Variants in FSTL4 observed in about 807,000 individuals in gnomAD.
FSTL4 encodes the protein follistatin like 4.
A neutral mutation model predicts 78.2 loss-of-function variants in FSTL4; 28 were observed. The ratio of observed to expected loss-of-function variants is 0.36; its 90% CI spans 0.27 to 0.49. The LOEUF is 0.49. Ranked by LOEUF, FSTL4 falls within the 20% of genes least tolerant of loss-of-function variation. The pLI, the probability that FSTL4 is intolerant of heterozygous loss-of-function variation, is 0.98. For synonymous variants in FSTL4, 422 were observed against 440.5 expected (o/e 0.96, Z 0.53); for missense variants, 922 against 1,084.9 (o/e 0.85, Z 2.11).
intron 4 of FSTL4, among the ~76,000 whole-genome samples, chr5:133,363,394 C>T (rs1755111993): frequency 6.6e-6 from 1 of 151,988 alleles, no homozygotes; most frequent in East Asian, 1.9e-4. Context: ...CCTTGTTTTC[C>T]CCCAGCAACT....
At chr5:133,318,015 C>A (rs1753950882) in intron 4 of FSTL4, among the ~76,000 whole-genome samples, 1 of 152,196 alleles carries the variant, frequency 6.6e-6, no homozygotes, top group African/African-American at 2.4e-5. Flanking sequence ...GACAGCCCAA[C>A]CACTTTTTCT....
chr5:133,641,524 C>G, the FSTL4 span, among the ~76,000 whole-genome samples: 279 of 150,918 alleles, frequency 1.8e-3, 1 homozygote, highest in Middle Eastern at 0.01. Context: ...TTCAAATACC[C>G]TGGGACCAAC....
chr5:133,317,775 G>A (rs894735292), intron 4 of FSTL4, among the ~76,000 whole-genome samples: 1 of 152,182 alleles, frequency 6.6e-6, no homozygotes, highest in Non-Finnish European at 1.5e-5. Flanking sequence ...GGGTTGTTAC[G>A]AGGATTAAGT....
the FSTL4 span, among the ~76,000 whole-genome samples, chr5:133,792,575 G>A: frequency 5.9e-5 from 9 of 152,136 alleles, no homozygotes; most frequent in East Asian, 9.6e-4. Context: ...CCTTGTTTCC[G>A]TCACTCTGTC....
chr5:133,617,000 A>G (rs1761210779), upstream of FSTL4, among the ~76,000 whole-genome samples: 1 of 152,106 alleles, frequency 6.6e-6, no homozygotes, highest in African/African-American at 2.4e-5. Context: ...CCACTACTTC[A>G]GATCAAGAAG....
the FSTL4 span, among the ~76,000 whole-genome samples, chr5:133,837,608 T>C: frequency 3.3e-5 from 5 of 152,222 alleles, no homozygotes; most frequent in Admixed American, 1.3e-4. Flanking sequence ...GATTTAATGA[T>C]GGCCTTTGTG....
chr5:133,608,321 A>G (rs1347979594), intron 1 of FSTL4, among the ~76,000 whole-genome samples: 1 of 152,166 alleles, frequency 6.6e-6, no homozygotes, highest in Non-Finnish European at 1.5e-5. Context: ...TGCTTTAACC[A>G]TCTTGTTTGG....
At chr5:133,326,950 T>A (rs1754228079) in intron 4 of FSTL4, among the ~76,000 whole-genome samples, 1 of 152,172 alleles carries the variant, frequency 6.6e-6, no homozygotes, top group Non-Finnish European at 1.5e-5. Flanking sequence ...CACTTGGAGC[T>A]TTCCCTGGAA....
rs571300210 is a variant in FSTL4, at chr5:133,494,727, T to C, written c.160+72459A>G. 6.6e-4 allele frequency among the ~76,000 whole-genome samples: 101 copies of C among 152,382 alleles called. 1 individual carries two copies. The highest frequency in any genetic ancestry group is 3.4e-3 in the Middle Eastern group (1 of 294). ...CCTTTGAAGAGTATGACCTGGTTTA[T>C]GTGCACATTTATTTCAATATGACAT... On this transcript the variant is annotated intron_variant, in intron 3 of 15. Coordinates refer to ENST00000265342, the MANE Select transcript of FSTL4 (RefSeq NM_015082.2).
the FSTL4 span, among the ~76,000 whole-genome samples, chr5:133,680,392 A>G: frequency 2.6e-5 from 4 of 152,284 alleles, no homozygotes; most frequent in South Asian, 8.3e-4. Context: ...CTCCAAACAC[A>G]GGATCCTTTC....
chr5:133,493,216 C>T (rs1335357686), intron 3 of FSTL4, among the ~76,000 whole-genome samples: 1 of 152,102 alleles, frequency 6.6e-6, no homozygotes, highest in East Asian at 1.9e-4. Flanking sequence ...GTTAACTCTT[C>T]CCGATGGCAA....
intron 11 of FSTL4, among the ~76,000 whole-genome samples, chr5:133,221,487 C>T (rs914642973): frequency 6.6e-6 from 1 of 151,678 alleles, no homozygotes; most frequent in African/African-American, 2.4e-5. Context: ...CCCCTGACCC[C>T]GGCCCAGGGC....
At chr5:133,535,303 T>G (rs1028092639) in intron 3 of FSTL4, among the ~76,000 whole-genome samples, 1 of 152,210 alleles carries the variant, frequency 6.6e-6, no homozygotes, top group Non-Finnish European at 1.5e-5. Context: ...TAAAAAAATC[T>G]CTGCAGCAAT....
chr5:133,265,940 G>T (rs79579470), intron 6 of FSTL4, among the ~76,000 whole-genome samples: 1,730 of 152,296 alleles, frequency 0.011, 9 homozygotes, highest in African/African-American at 0.017. Flanking sequence ...CACGATGGGG[G>T]ATTGTCAAAT....
At chr5:133,269,043 A>G (rs1199102697) in intron 6 of FSTL4, among the ~76,000 whole-genome samples, 9 of 152,010 alleles carry the variant, frequency 5.9e-5, no homozygotes, top group African/African-American at 1.9e-4. Context: ...TTAGCCGGGC[A>G]TGGTGGCGGG....
chr5:133,249,420 T>C lies in FSTL4; in HGVS notation c.884A>G (p.Glu295Gly), dbSNP rs544800038. Residue 295 changes from glutamate to glycine, a missense_variant, in exon 7 of 16, where the codon GAA becomes GGA. Physicochemically the swap from Glu to Gly is moderately conservative, Grantham distance 98 (BLOSUM62 -2). Coordinates refer to ENST00000265342, the MANE Select transcript of FSTL4 (RefSeq NM_015082.2). ...NGLTLNFLDL[E>G]DINDFGEDDS... ...TTCCAGGTGACTTACATTGATGTCT[T>C]CCAAGTCCAGGAAGTTCAGGGTGAG... is the stretch of plus-strand genomic sequence containing the variant. 1.2e-5 allele frequency: 19 copies of C among 1,613,964 alleles called. No homozygotes were observed. Among genetic ancestry groups the C allele is most frequent in the Non-Finnish European group, 1.5e-5 (18 of 1,179,872 alleles).
the FSTL4 span, among the ~76,000 whole-genome samples, chr5:133,822,010 C>G: frequency 6.6e-6 from 1 of 152,204 alleles, no homozygotes; most frequent in African/African-American, 2.4e-5. Context: ...ATTTCTCAAT[C>G]AAACCTCCTG....
intron 6 of FSTL4, among the ~76,000 whole-genome samples, chr5:133,302,583 C>T (rs1253210196): frequency 1.3e-5 from 2 of 152,256 alleles, no homozygotes; most frequent in East Asian, 1.9e-4. Flanking sequence ...GGCACTGTCC[C>T]GTGGAAGGCC....
At chr5:133,652,364 C>T in the FSTL4 span, among the ~76,000 whole-genome samples, 41,365 of 151,910 alleles carry the variant, frequency 0.27, 5,565 homozygotes, top group Admixed American at 0.31. Context: ...AGATCTTTCT[C>T]CTTTCTAATA....
Sources: allele counts gnomAD v4.1 joint callset (sites outside exome capture counted in the v4.1 genomes callset), GRCh38; gene constraint gnomAD v4.1.1; transcripts MANE v1.5; gene names NCBI Gene and HGNC (gene_info 2026-07-23, HGNC 2026-07-21).